ROCK2: variants seen among roughly 807,000 people sequenced by gnomAD.
ROCK2 encodes rho-associated protein kinase 2.
Under a neutral mutation model 195.1 loss-of-function variants are expected in ROCK2, and 61 were observed. The observed-to-expected ratio is 0.31, with a 90% CI of 0.25 to 0.39. The LOEUF is 0.39. Ranked by LOEUF, ROCK2 falls within the 10% of genes least tolerant of loss-of-function variation. The pLI is 1.00. For synonymous variants in ROCK2, 504 were observed against 545.5 expected, an observed-to-expected ratio of 0.92 and a Z score of 1.06; for missense variants, 1,109 against 1,637.4, an observed-to-expected ratio of 0.68 and a Z score of 5.57.
chr2:11,288,396 G>A (rs1199480299), intron 1 of ROCK2, among the ~76,000 whole-genome samples: 1 of 152,142 alleles, frequency 6.6e-6, no homozygotes, highest in African/African-American at 2.4e-5. Flanking sequence ...TGCTTGTGAA[G>A]GTAGCACGAT....
chr2:11,215,686 A>C lies in ROCK2; in HGVS notation c.1462-41T>G, dbSNP rs187702743. The stretch of plus-strand genomic sequence containing the variant: ...AAGTTATTATCAAAAAAGTATGTAT[A>C]AAAATGAAATCAAAACAAAAAATAC... On this transcript the variant is annotated intron_variant, in intron 13 of 32. Transcript: ENST00000315872. 1.7e-4 allele frequency: 255 copies of C among 1,524,672 alleles called. No individual in the cohort carries two copies. In the African/African-American group the frequency reaches 3.2e-3, roughly 19 times the overall value. The allele number at this position is 1,524,672 out of a possible 1,614,324, so 94.4% of individuals were successfully genotyped here.
At chr2:11,292,301 C>A (rs914480114) in intron 1 of ROCK2, among the ~76,000 whole-genome samples, 3 of 151,904 alleles carry the variant, frequency 2.0e-5, no homozygotes, top group African/African-American at 4.8e-5. Context: ...TAACAGGGAC[C>A]TTTCTTGATT....
chr2:11,201,100 C>G lies in ROCK2; in HGVS notation c.2767G>C (p.Asp923His), dbSNP rs747734227. 2 of 1,612,902 alleles carry G rather than the reference C, an allele frequency of 1.2e-6. No individual in the cohort carries two copies. Among genetic ancestry groups the G allele is most frequent in the African/African-American group, 2.7e-5 (2 of 74,886 alleles). Residue 923 changes from aspartate (D) to histidine (H), a missense_variant, in exon 23 of 33, where the codon GAT becomes CAT. Physicochemically the swap from Asp to His is moderately conservative, Grantham distance 81. Around this residue, in one of 6 missense-constraint regions of ROCK2, gnomAD observed 542 missense variants for 672.0 expected, o/e 0.81. Coordinates refer to ENST00000315872, the MANE Select transcript of ROCK2 (RefSeq NM_004850.5). The surrounding 1 kb of genome is among the most constrained non-coding windows in gnomAD (Gnocchi z 4.6). Reference protein sequence around the residue: ...AQLEITLTKADSEQLARSIAE... With the variant: ...AQLEITLTKAHSEQLARSIAE... ...ATTGAACGAGCCAGTTGCTCAGAAT[C>G]TGCTTTGGTCAAGGTGATCTCCAGT...
chr2:11,187,669 A>G (rs1211141951), intron 32 of ROCK2, among the ~76,000 whole-genome samples: 1 of 152,178 alleles, frequency 6.6e-6, no homozygotes, highest in Non-Finnish European at 1.5e-5. Context: ...TCTTTCTCAT[A>G]TATTTTGGAA....
At chr2:11,237,805 C>G (rs994953563) in intron 4 of ROCK2, among the ~76,000 whole-genome samples, 3 of 152,192 alleles carry the variant, frequency 2.0e-5, no homozygotes, top group Admixed American at 6.5e-5. Flanking sequence ...CTGGGCACAG[C>G]AGTGGCTCAT....
intron 5 of ROCK2, among the ~76,000 whole-genome samples, chr2:11,228,588 G>C (rs370741357): frequency 6.6e-6 from 1 of 152,128 alleles, no homozygotes; most frequent in African/African-American, 2.4e-5. Flanking sequence ...TCAAAAGGCA[G>C]GGTATACAAT....
intron 3 of ROCK2, among the ~76,000 whole-genome samples, chr2:11,281,464 T>A (rs1666999846): frequency 6.6e-6 from 1 of 152,156 alleles, no homozygotes; most frequent in Non-Finnish European, 1.5e-5. Flanking sequence ...TGTGATCATC[T>A]ATGTAGAGGA....
rs563580326 is a variant in ROCK2 at position 11,316,218 on chromosome 2, C to T, written c.141+27778G>A. On this transcript the variant is annotated intron_variant, in intron 1 of 32. Transcript: ENST00000315872. ...AGATATAAATAAATACTACGTATATCCAGTATCAGAGGTGGGTGGAAGAGG... is the reference window on the plus strand; with the variant it reads ...AGATATAAATAAATACTACGTATATTCAGTATCAGAGGTGGGTGGAAGAGG... Among the ~76,000 whole-genome samples, 40 of 152,130 alleles carry T rather than the reference C, an allele frequency of 2.6e-4. No homozygotes were observed. The South Asian group carries it at 7.5e-3, about 28-fold the overall frequency.
intron 1 of ROCK2, among the ~76,000 whole-genome samples, chr2:11,298,469 CAAA>C (rs771356019): frequency 6.9e-3 from 312 of 45,016 alleles, no homozygotes; most frequent in African/African-American, 0.022. Flanking sequence ...GACTCCATCT[CAAA>C]AAAAAAAAAA....
rs991164023 is a variant in ROCK2, at chr2:11,344,313, GCCCGCCCGGCCCAGCCCGGCCCAGC to G, written c.-202_-178del. On this transcript the variant is annotated 5_prime_UTR_variant, in exon 1 of 33. Transcript: ENST00000315872. The surrounding 1 kb of genome is among the most constrained non-coding windows in gnomAD (Gnocchi z 5.4). ...CCCCGCCTGGGGGCTGCTCCCAGGG[GCCCGCCCGGCCCAGCCCGGCCCAGC>G]CCGGCCCGGCCCTGCCGGGAGCGGC... 1.8e-5 allele frequency: 22 copies of G among 1,214,050 alleles called. No homozygotes were observed. The highest frequency in any genetic ancestry group is 1.5e-4 in the South Asian group (4 of 26,976). The allele number at this position is 1,214,050 out of a possible 1,614,324, so 75.2% of individuals were successfully genotyped here. A position where few individuals can be genotyped will look rare whatever the true frequency, so the allele number is the denominator to read the frequency against.
At chr2:11,204,061 A>C (rs1663959523) in intron 20 of ROCK2, among the ~76,000 whole-genome samples, 1 of 152,214 alleles carries the variant, frequency 6.6e-6, no homozygotes, top group Non-Finnish European at 1.5e-5. Context: ...AGAAGGAAGA[A>C]ATTACAATGA....
At chr2:11,335,935 T>C (rs1405374464) in intron 1 of ROCK2, among the ~76,000 whole-genome samples, 2 of 152,216 alleles carry the variant, frequency 1.3e-5, no homozygotes, top group African/African-American at 2.4e-5. Flanking sequence ...ATTGTGACTA[T>C]ATAAAACTCA....
At chr2:11,240,667 T>G (rs1326472260) in intron 4 of ROCK2, among the ~76,000 whole-genome samples, 2 of 152,190 alleles carry the variant, frequency 1.3e-5, no homozygotes, top group African/African-American at 4.8e-5. Flanking sequence ...ATGGTGGAAA[T>G]GCTCTAAAAT....
intron 1 of ROCK2, among the ~76,000 whole-genome samples, chr2:11,334,577 A>C (rs1047958546): frequency 6.6e-6 from 1 of 152,096 alleles, no homozygotes. Context: ...GGAAAACATA[A>C]AAGACTCGTA....
intron 7 of ROCK2, among the ~76,000 whole-genome samples, chr2:11,223,366 T>C (rs1186790121): frequency 6.6e-6 from 1 of 152,200 alleles, no homozygotes; most frequent in Non-Finnish European, 1.5e-5. Context: ...GTAACTTCTC[T>C]GGGGATCAAT....
intron 1 of ROCK2, among the ~76,000 whole-genome samples, chr2:11,300,541 G>C (rs932312852): frequency 1.3e-5 from 2 of 152,186 alleles, no homozygotes; most frequent in Non-Finnish European, 2.9e-5. Context: ...TGGGATTACA[G>C]GCATGAGCCA....
intron 27 of ROCK2, among the ~76,000 whole-genome samples, chr2:11,196,576 C>A (rs1663645311): frequency 6.6e-6 from 1 of 152,132 alleles, no homozygotes; most frequent in Non-Finnish European, 1.5e-5. Flanking sequence ...TCTACAACAA[C>A]ATATTAGAGT....
intron 5 of ROCK2, among the ~76,000 whole-genome samples, chr2:11,228,351 T>C (rs1415222784): frequency 6.6e-6 from 1 of 152,210 alleles, no homozygotes; most frequent in Non-Finnish European, 1.5e-5. Flanking sequence ...TATGTAACTT[T>C]ATATAAAACT....
intron 9 of ROCK2, 118 bp downstream of exon 9, chr2:11,221,080 G>T: frequency 1.6e-6 from 1 of 635,232 alleles, no homozygotes; most frequent in Non-Finnish European, 2.5e-6. Context: ...TCTGATGATA[G>T]TCCTTTTGGA....
Sources: gnomAD v4.1 joint callset for allele counts (sites outside exome capture counted in the v4.1 genomes callset) on GRCh38, gnomAD v4.1.1 for gene constraint, gnomAD v4.1.1 regional missense constraint, Gnocchi (gnomAD v3.1) non-coding constraint, MANE v1.5 for transcripts, NCBI Gene and HGNC (gene_info 2026-07-23, HGNC 2026-07-21) for gene names.